The following RSPO3 variants were observed in gnomAD, a reference collection of about 807,000 sequenced individuals.
The protein encoded by RSPO3 is R-spondin-3.
In RSPO3, 17 loss-of-function variants were observed where a neutral mutation model predicts 36.5. The ratio of observed to expected loss-of-function variants is 0.47; its 90% CI spans 0.32 to 0.70. The LOEUF (loss-of-function observed/expected upper bound fraction) is 0.70. Among genes scored for constraint, RSPO3 ranks in the 30% least tolerant of loss-of-function variants. RSPO3 has a pLI of 0.04. For missense variants in RSPO3, 294 were observed against 322.5 expected, an observed-to-expected ratio of 0.91 and a Z score of 0.68; for synonymous variants, 108 against 107.0, an observed-to-expected ratio of 1.01 and a Z score of -0.06.
chr6:127,193,027 G>A lies in RSPO3; in HGVS notation c.635-2796G>A, dbSNP rs771417959. ...AAGCAGAAAATATATTTATGCAAAGGGTAGTTAGCATTTCCAACCACTAAC... is the reference window on the plus strand; with the variant it reads ...AAGCAGAAAATATATTTATGCAAAGAGTAGTTAGCATTTCCAACCACTAAC... On this transcript the variant is annotated intron_variant, in intron 4 of 4. Transcript: ENST00000356698. Among the ~76,000 whole-genome samples the A allele has an allele frequency of 2.0e-5, 3 of 152,106 alleles. No homozygotes were observed. In the Middle Eastern group the frequency reaches 0.01, roughly 517 times the overall value.
intron 4 of RSPO3, among the ~76,000 whole-genome samples, chr6:127,157,260 TATC>T (rs1423603249): frequency 6.6e-6 from 1 of 152,172 alleles, no homozygotes; most frequent in African/African-American, 2.4e-5. Flanking sequence ...TCTTTGCTCA[TATC>T]ATTCTTTTCA....
intron 4 of RSPO3, among the ~76,000 whole-genome samples, chr6:127,190,686 T>C (rs544478129): frequency 3.8e-4 from 58 of 152,350 alleles, no homozygotes; most frequent in African/African-American, 1.3e-3. Context: ...CAGTCTGTAA[T>C]GTGGAATACA....
chr6:127,165,715 T>C (rs947647009), intron 4 of RSPO3, among the ~76,000 whole-genome samples: 2 of 152,044 alleles, frequency 1.3e-5, no homozygotes, highest in Non-Finnish European at 2.9e-5. Context: ...TCTTCTCATG[T>C]TCATCATCTT....
At chr6:127,158,981 T>C (rs568393643) in intron 4 of RSPO3, among the ~76,000 whole-genome samples, 1 of 152,304 alleles carries the variant, frequency 6.6e-6, no homozygotes, top group Admixed American at 6.5e-5. Flanking sequence ...TAAACTATTA[T>C]CACATGTGTA....
chr6:127,131,806 C>A (rs1201037539), intron 1 of RSPO3, among the ~76,000 whole-genome samples: 1 of 152,070 alleles, frequency 6.6e-6, no homozygotes, highest in Non-Finnish European at 1.5e-5. Context: ...CCTTGAGAAC[C>A]ATTGCACTGA....
intron 1 of RSPO3, among the ~76,000 whole-genome samples, chr6:127,129,237 T>C (rs776743639): frequency 6.6e-6 from 1 of 152,194 alleles, no homozygotes; most frequent in Admixed American, 6.5e-5. Context: ...CATGAACTTA[T>C]CATTTCTACT....
chr6:127,195,991 T>C lies in RSPO3; in HGVS notation c.803T>C (p.Val268Ala). ...CAAGATAAACAGAAATCGGTATCAG[T>C]CAGCACTGTACACTAGAGGGTTCCA... ...KVQDKQKSVS[V>A]STVH The change falls in exon 5 of 5, where the codon GTC (valine) becomes GCC (alanine). Residue 268 changes from valine to alanine, a missense_variant. Coordinates refer to ENST00000356698, the MANE Select transcript of RSPO3 (RefSeq NM_032784.5). The C allele has an allele frequency of 1.9e-6, 3 of 1,611,906 alleles. No individual in the cohort carries two copies. The highest frequency in any genetic ancestry group is 2.5e-6 in the Non-Finnish European group (3 of 1,178,644).
intron 4 of RSPO3, among the ~76,000 whole-genome samples, chr6:127,192,960 G>C (rs1008189946): frequency 6.6e-6 from 1 of 152,038 alleles, no homozygotes; most frequent in Admixed American, 6.6e-5. Context: ...ATTTTTAATG[G>C]ACTACAGCCA....
chr6:127,143,748 T>G (rs558992199), intron 1 of RSPO3, among the ~76,000 whole-genome samples: 1 of 152,338 alleles, frequency 6.6e-6, no homozygotes, highest in East Asian at 1.9e-4. Context: ...CATTTGTAAC[T>G]GAGCTTTAGA....
chr6:127,146,973 T>C (rs184681619), intron 1 of RSPO3, among the ~76,000 whole-genome samples: 7 of 152,262 alleles, frequency 4.6e-5, no homozygotes, highest in Admixed American at 6.5e-5. Flanking sequence ...ACTTGGAAAG[T>C]AGTTTCACTT....
chr6:127,158,329 G>T (rs919152856), intron 4 of RSPO3, among the ~76,000 whole-genome samples: 8 of 152,054 alleles, frequency 5.3e-5, no homozygotes, highest in Admixed American at 1.3e-4. Context: ...AAAATAAGAA[G>T]ATTCCTTTAG....
chr6:127,137,362 AC>A (rs1166802495), intron 1 of RSPO3, among the ~76,000 whole-genome samples: 21 of 152,118 alleles, frequency 1.4e-4, no homozygotes, highest in African/African-American at 4.3e-4. Context: ...CTACACTCCA[AC>A]CTGGGTGACA....
At chr6:127,160,819 A>C (rs1258930979) in intron 4 of RSPO3, among the ~76,000 whole-genome samples, 1 of 152,116 alleles carries the variant, frequency 6.6e-6, no homozygotes, top group East Asian at 1.9e-4. Flanking sequence ...CTCCAGAGTC[A>C]AGTCTCACTT....
At chr6:127,163,706 C>T (rs201814572) in intron 4 of RSPO3, among the ~76,000 whole-genome samples, 7 of 151,732 alleles carry the variant, frequency 4.6e-5, no homozygotes, top group East Asian at 2.0e-4. Context: ...AAATTATTTA[C>T]GACATACTTA....
At chr6:127,193,637 T>C (rs995875237) in intron 4 of RSPO3, among the ~76,000 whole-genome samples, 27 of 152,186 alleles carry the variant, frequency 1.8e-4, no homozygotes, top group African/African-American at 5.3e-4. Context: ...ACTAAGCACA[T>C]AGCATGAAAA....
chr6:127,186,190 GCC>G (rs892417513), intron 4 of RSPO3, among the ~76,000 whole-genome samples: 2 of 152,162 alleles, frequency 1.3e-5, no homozygotes, highest in African/African-American at 4.8e-5. Flanking sequence ...CAGTGATCTT[GCC>G]TTAGTGATTC....
In RSPO3 at chr6:127,153,227, A is replaced by G. The variant is rs185473575; in HGVS notation, c.437-2014A>G. Reference sequence around the variant, plus strand: ...GCTAGGAGGAACACAGAAGGTGAATATTCTGTTTTTCCTTAACTATCTCTT... The same window carrying G: ...GCTAGGAGGAACACAGAAGGTGAATGTTCTGTTTTTCCTTAACTATCTCTT... On this transcript the variant is annotated intron_variant, in intron 3 of 4. Transcript: ENST00000356698. Among the ~76,000 whole-genome samples, 17 of 152,246 alleles carry G rather than the reference A, an allele frequency of 1.1e-4. No homozygotes were observed. The South Asian group carries it at 1.7e-3, about 15-fold the overall frequency.
chr6:127,185,745 T>C (rs918253381), intron 4 of RSPO3, among the ~76,000 whole-genome samples: 1 of 152,082 alleles, frequency 6.6e-6, no homozygotes, highest in Admixed American at 6.6e-5. Flanking sequence ...CATAGTGGGC[T>C]GTGTTAGAAT....
chr6:127,130,690 G>A (rs1181270857), intron 1 of RSPO3, among the ~76,000 whole-genome samples: 1 of 152,066 alleles, frequency 6.6e-6, no homozygotes, highest in African/African-American at 2.4e-5. Context: ...TTTTTGCTGT[G>A]TTTACTTGTA....
Sources: allele counts gnomAD v4.1 joint callset (sites outside exome capture counted in the v4.1 genomes callset), GRCh38; gene constraint gnomAD v4.1.1; transcripts MANE v1.5; gene names NCBI Gene and HGNC (gene_info 2026-07-23, HGNC 2026-07-21).